Variants in ZNF525 observed in about 807,000 individuals in gnomAD.
ZNF525 encodes the protein zinc finger protein 525.
In ZNF525, 33 loss-of-function variants were observed where a neutral mutation model predicts 37.6. The observed-to-expected ratio is 0.88, with a 90% confidence interval of 0.67 to 1.17. The LOEUF (loss-of-function observed/expected upper bound fraction) is 1.17. ZNF525 is among the 50% of genes most tolerant of loss of function. ZNF525 has a pLI of 0.00. For missense variants in ZNF525, 449 were observed against 543.1 expected, an observed-to-expected ratio of 0.83 and a Z score of 1.72; for synonymous variants, 170 against 182.3, an observed-to-expected ratio of 0.93 and a Z score of 0.54.
rs2085492314 is a variant in ZNF525, at chr19:53,372,200, A to AT, written c.-67-10dup. The AT allele has an allele frequency of 2.9e-6, 2 of 678,764 alleles. No individual in the cohort carries two copies. Among genetic ancestry groups the AT allele is most frequent in the African/African-American group, 3.6e-5 (2 of 56,306 alleles). The allele number at this position is 678,764 out of a possible 1,614,324, so 42.0% of individuals were successfully genotyped here. On this transcript the variant is annotated splice_polypyrimidine_tract_variant and intron_variant, in intron 1 of 3. Transcript: ENST00000474037. ...GTTGATTCTGAGCAATAAACAACAT[A>AT]TTTTTATCACTCAGGATTGACATCT...
rs956255344 is a variant in ZNF525, at chr19:53,383,117, C to T, written c.*1098C>T. 4 of 1,316,362 alleles carry T rather than the reference C, an allele frequency of 3.0e-6. No individual in the cohort carries two copies. Among genetic ancestry groups the T allele is most frequent in the East Asian group, 5.3e-5 (2 of 37,398 alleles). 81.5% of individuals were successfully genotyped at this position (1,316,362 alleles called of 1,614,324 possible). A position where few individuals can be genotyped will look rare whatever the true frequency, so the allele number is the denominator to read the frequency against. ...TTTTAATCAACAAGCACACCTTGCA[C>T]GTCATCATAGAACTCATACTGGAGA... On this transcript the variant is annotated 3_prime_UTR_variant, in exon 4 of 4. Coordinates refer to ENST00000474037, the MANE Select transcript of ZNF525 (RefSeq NM_001348156.2).
At chr19:53,369,675 G>A (rs900811856) in intron 1 of ZNF525, among the ~76,000 whole-genome samples, 4 of 143,426 alleles carry the variant, frequency 2.8e-5, no homozygotes, top group Non-Finnish European at 6.0e-5. Flanking sequence ...AGAATTAAAC[G>A]TCGGGAACCA....
At position 53,381,714 on chromosome 19, in the gene ZNF525, G is replaced by A; in HGVS notation, c.1135G>A (p.Gly379Arg). 9.2e-7 allele frequency: 1 copy of A among 1,084,108 alleles called. No homozygotes were observed. Among genetic ancestry groups the A allele is most frequent in the Non-Finnish European group, 1.4e-6 (1 of 695,686 alleles). 67.2% of individuals were successfully genotyped at this position (1,084,108 alleles called of 1,614,324 possible). Residue 379 changes from glycine (G) to arginine (R), a missense_variant, in exon 4 of 4, where the codon GGA becomes AGA. By Grantham distance (125) the Gly-to-Arg change is moderately radical (BLOSUM62 -2). Around this residue, in one of 2 missense-constraint regions of ZNF525, gnomAD observed 178 missense variants for 161.5 expected, o/e 1.10. Coordinates refer to ENST00000474037, the MANE Select transcript of ZNF525 (RefSeq NM_001348156.2). ...NLESHRITHT[G>R]EKPYKCNDCG... ...TGAAAGTCATAGGATAACTCATACTGGAGAGAAACCATACAAGTGTAATGA... is the reference window on the plus strand; with the variant it reads ...TGAAAGTCATAGGATAACTCATACTAGAGAGAAACCATACAAGTGTAATGA...
chr19:53,369,977 G>T (rs2085475355), intron 1 of ZNF525, among the ~76,000 whole-genome samples: 1 of 149,746 alleles, frequency 6.7e-6, no homozygotes, highest in Non-Finnish European at 1.5e-5. Flanking sequence ...GCCCGCCTCG[G>T]CCTCCCAAAG....
Position 53,381,262 on chromosome 19 carries a change from C to G in ZNF525, c.683C>G (p.Ser228Ter). 2 of 1,398,264 alleles carry G rather than the reference C, an allele frequency of 1.4e-6. No individual in the cohort carries two copies. The highest frequency in any genetic ancestry group is 2.0e-6 in the Non-Finnish European group (2 of 983,312). The allele number at this position is 1,398,264 out of a possible 1,614,324, so 86.6% of individuals were successfully genotyped here. The change falls in exon 4 of 4, where the codon TCA (serine) becomes TGA (stop). Residue 228 changes from serine to a stop codon, truncating the protein, a stop_gained. Transcript: ENST00000474037. LOFTEE classifies it high-confidence loss of function. ...AGTGGCAAAGCCTTTAATTATAGCTCACTCTTAAGGAAACATCAGATTATT... is the reference window on the plus strand; with the variant it reads ...AGTGGCAAAGCCTTTAATTATAGCTGACTCTTAAGGAAACATCAGATTATT... Reference protein sequence around the residue: ...IESGKAFNYSSLLRKHQIIHL... With the variant: ...IESGKAFNYS
In ZNF525 at chr19:53,383,803, T is replaced by C. The variant is rs568097164; in HGVS notation, c.*1784T>C. ...TTGCCGTTCATTGGCGAACTCATGC[T>C]GGAGAGAAATCTTACAATGTCATGA... is the stretch of plus-strand genomic sequence containing the variant. On this transcript the variant is annotated 3_prime_UTR_variant, in exon 4 of 4. Coordinates refer to ENST00000474037, the MANE Select transcript of ZNF525 (RefSeq NM_001348156.2). The C allele has an allele frequency of 5.3e-5, 28 of 532,374 alleles. No individual in the cohort carries two copies. In the East Asian group the frequency reaches 1.2e-3, roughly 23 times the overall value. 33.0% of individuals were successfully genotyped at this position (532,374 alleles called of 1,614,324 possible). A position where few individuals can be genotyped will look rare whatever the true frequency, so the allele number is the denominator to read the frequency against.
At chr19:53,372,611 C>G (rs570946196) in intron 2 of ZNF525, among the ~76,000 whole-genome samples, 1 of 152,322 alleles carries the variant, frequency 6.6e-6, no homozygotes, top group South Asian at 2.1e-4. Flanking sequence ...TCTGGATGCA[C>G]TGTCAGCTCT....
chr19:53,372,798 T>G (rs1465952332), intron 2 of ZNF525, among the ~76,000 whole-genome samples: 1 of 152,174 alleles, frequency 6.6e-6, no homozygotes, highest in Admixed American at 6.5e-5. Context: ...TCTTAGTAAT[T>G]AGAATGGAAA....
In ZNF525 at chr19:53,381,077, G is replaced by A; in HGVS notation, c.498G>A (p.Lys166=). The part of the protein sequence containing the change: ...PKGKINNQVE[K]SINDASSVST... ...GGAAAATTAATAATCAAGTGGAGAA[G>A]TCTATCAACGATGCTTCCTCGGTTT... The change falls in exon 4 of 4, where the codon AAG becomes AAA. Residue 166 remains lysine, a synonymous_variant. Transcript: ENST00000474037. 1 of 1,494,260 alleles carries A rather than the reference G, an allele frequency of 6.7e-7. No homozygotes were observed. Among genetic ancestry groups the A allele is most frequent in the Non-Finnish European group, 9.3e-7 (1 of 1,070,978 alleles). The allele number at this position is 1,494,260 out of a possible 1,614,324, so 92.6% of individuals were successfully genotyped here.
intron 2 of ZNF525, among the ~76,000 whole-genome samples, chr19:53,372,934 C>A (rs181352645): frequency 3.3e-5 from 5 of 152,148 alleles, no homozygotes. Flanking sequence ...TCATGGAGAC[C>A]GTGGTGTTAC....
At chr19:53,373,876 T>C (rs1240527200) in intron 2 of ZNF525, among the ~76,000 whole-genome samples, 1 of 152,076 alleles carries the variant, frequency 6.6e-6, no homozygotes, top group Non-Finnish European at 1.5e-5. Flanking sequence ...TGGGGCTGCA[T>C]GTGCAGGTTT....
At position 53,385,686 on chromosome 19, in the gene ZNF525, TAAA is replaced by T. The variant is rs941040861; in HGVS notation, c.*3672_*3674del. The T allele has an allele frequency of 1.5e-3, 237 of 154,770 alleles. No individual in the cohort carries two copies. Among genetic ancestry groups the T allele is most frequent in the Non-Finnish European group, 2.3e-3 (158 of 69,872 alleles). 9.6% of individuals were successfully genotyped at this position (154,770 alleles called of 1,614,324 possible). The stretch of plus-strand genomic sequence containing the variant: ...TGGGTGATGGAGAGAGATACTGTCT[TAAA>T]AAAAGAATACTTGTGGTAACGTTTG... On this transcript the variant is annotated 3_prime_UTR_variant, in exon 4 of 4. Coordinates refer to ENST00000474037, the MANE Select transcript of ZNF525 (RefSeq NM_001348156.2).
intron 3 of ZNF525, chr19:53,376,308 GACA>G (rs72163028): frequency 0.47 from 328,814 of 702,438 alleles, 81,682 homozygotes; most frequent in Admixed American, 0.6. Context: ...GTCTTCTGTG[GACA>G]ACAAGTAGTT....
At position 53,386,233 on chromosome 19, in the gene ZNF525, A is replaced by G; in HGVS notation, c.*4214A>G. 1.5e-6 allele frequency: 1 copy of G among 651,308 alleles called. No homozygotes were observed. The highest frequency in any genetic ancestry group is 2.9e-6 in the Non-Finnish European group (1 of 345,032). The allele number at this position is 651,308 out of a possible 1,614,324, so 40.3% of individuals were successfully genotyped here. ...TGTGTGCTTGACTCTGCTTCTTGCC[A>G]CATCTTCTCAGAAGACTTTCAGGAT... On this transcript the variant is annotated 3_prime_UTR_variant, in exon 4 of 4. Coordinates refer to ENST00000474037, the MANE Select transcript of ZNF525 (RefSeq NM_001348156.2).
Position 53,380,903 on chromosome 19 carries a change from C to T in ZNF525, c.324C>T (p.Gly108=), listed in dbSNP as rs1302174140. 6.7e-7 allele frequency: 1 copy of T among 1,486,414 alleles called. No homozygotes were observed. The highest frequency in any genetic ancestry group is 1.1e-5 in the South Asian group (1 of 88,414). 92.1% of individuals were successfully genotyped at this position (1,486,414 alleles called of 1,614,324 possible). A position where few individuals can be genotyped will look rare whatever the true frequency, so the allele number is the denominator to read the frequency against. ...EFQWQEDERN[G]HEAPMTKIKK... Reference sequence around the variant, plus strand: ...AGTGGCAAGAAGATGAAAGAAATGGCCATGAAGCACCCATGACAAAAATCA... The same window carrying T: ...AGTGGCAAGAAGATGAAAGAAATGGTCATGAAGCACCCATGACAAAAATCA... Residue 108 remains glycine (G), a synonymous_variant, in exon 4 of 4, where the codon GGC becomes GGT. Transcript: ENST00000474037.
chr19:53,377,120 AG>A (rs2085528012), intron 3 of ZNF525, among the ~76,000 whole-genome samples: 1 of 152,228 alleles, frequency 6.6e-6, no homozygotes, highest in Admixed American at 6.5e-5. Flanking sequence ...TAGGAAAAAA[AG>A]TTGAATTATG....
chr19:53,368,681 G>A (rs981464992), intron 1 of ZNF525, among the ~76,000 whole-genome samples: 3 of 152,182 alleles, frequency 2.0e-5, no homozygotes, highest in Non-Finnish European at 4.4e-5. Flanking sequence ...CCTGCTTGTA[G>A]AATAATTTAA....
chr19:53,372,470 G>T, intron 2 of ZNF525, 174 bp downstream of exon 2: 1 of 748,756 alleles, frequency 1.3e-6, no homozygotes, highest in South Asian at 1.4e-5. Context: ...GTGGCTCAGT[G>T]ACATGAACTT....
At chr19:53,376,188 TC>T (rs1568758719) in intron 3 of ZNF525, 4 of 747,736 alleles carry the variant, frequency 5.3e-6, no homozygotes, top group Non-Finnish European at 9.4e-6. Context: ...GCTCAAGACA[TC>T]CTCCTCGGCC....
Sources: allele counts gnomAD v4.1 joint callset (sites outside exome capture counted in the v4.1 genomes callset), GRCh38; gene constraint gnomAD v4.1.1; regional missense constraint gnomAD v4.1.1; transcripts MANE v1.5; gene names NCBI Gene and HGNC (gene_info 2026-07-23, HGNC 2026-07-21).